CLIC5: variants seen among roughly 807,000 people sequenced by gnomAD.
The protein encoded by CLIC5 is chloride intracellular channel protein 5.
A neutral mutation model predicts 24.7 loss-of-function variants in CLIC5; 20 were observed. The observed-to-expected ratio is 0.81, with a 90% CI of 0.57 to 1.18. The LOEUF (loss-of-function observed/expected upper bound fraction) is 1.18, where lower values mean the gene tolerates loss of function less well. Among genes scored for constraint, CLIC5 ranks in the 50% most tolerant of loss-of-function variants. The probability of loss-of-function intolerance (pLI) is 0.00; values close to 1 mark genes in which losing one functional copy is unlikely to be tolerated. For synonymous variants in CLIC5, 159 were observed against 135.6 expected (o/e 1.17, Z -1.20); for missense variants, 341 against 326.1 (o/e 1.05, Z -0.35).
intron 1 of CLIC5, among the ~76,000 whole-genome samples, chr6:46,071,819 A>G (rs1762605828): frequency 6.6e-6 from 1 of 152,228 alleles, no homozygotes; most frequent in Non-Finnish European, 1.5e-5. Context: ...CGCAATAGCA[A>G]AGACATGGAA....
chr6:46,028,487 T>C (rs532321467), intron 1 of CLIC5, among the ~76,000 whole-genome samples: 39 of 152,372 alleles, frequency 2.6e-4, no homozygotes, highest in African/African-American at 9.4e-4. Flanking sequence ...TAAAATATTG[T>C]AATATGAAAA....
chr6:45,941,787 C>T, intron 3 of CLIC5, 134 bp from the exon 4 acceptor site: 2 of 728,220 alleles, frequency 2.7e-6, no homozygotes, highest in South Asian at 3.3e-5. Flanking sequence ...TCTTTATCCT[C>T]ATACTATAGG....
the CLIC5 span, among the ~76,000 whole-genome samples, chr6:46,126,204 G>A: frequency 2.6e-5 from 4 of 152,172 alleles, no homozygotes; most frequent in African/African-American, 9.7e-5. Context: ...AATGAAGGTG[G>A]GTTTGTCTCT....
intron 4 of CLIC5, among the ~76,000 whole-genome samples, chr6:45,928,767 A>AGTGTGTGTGTGT (rs5875948): frequency 0.01 from 1,468 of 144,164 alleles, 20 homozygotes; most frequent in Admixed American, 0.03. Context: ...GAAGTGCATA[A>AGTGTGTGTGTGT]GTGTGTGTGT....
chr6:46,042,333 AT>A (rs1463615623), intron 1 of CLIC5, among the ~76,000 whole-genome samples: 7 of 151,406 alleles, frequency 4.6e-5, no homozygotes, highest in Admixed American at 2.0e-4. Context: ...GTTGAAATTA[AT>A]TTTTTTTTCA....
chr6:45,942,220 A>G (rs891100127), intron 3 of CLIC5, among the ~76,000 whole-genome samples: 1 of 152,198 alleles, frequency 6.6e-6, no homozygotes, highest in African/African-American at 2.4e-5. Context: ...AACATGCAGA[A>G]ACTACCAAGC....
chr6:45,977,823 A>G (rs943138108), intron 1 of CLIC5, among the ~76,000 whole-genome samples: 12 of 152,236 alleles, frequency 7.9e-5, no homozygotes, highest in Admixed American at 2.0e-4. Context: ...TATTAGAATT[A>G]TGTTGTGTAT....
At chr6:46,001,545 G>A (rs1766359886) in intron 1 of CLIC5, among the ~76,000 whole-genome samples, 1 of 152,082 alleles carries the variant, frequency 6.6e-6, no homozygotes, top group Admixed American at 6.5e-5. Context: ...CCCAGTGGCT[G>A]CCACTCTCCC....
At chr6:46,098,991 G>T in the CLIC5 span, among the ~76,000 whole-genome samples, 3 of 152,170 alleles carry the variant, frequency 2.0e-5, no homozygotes, top group Middle Eastern at 3.2e-3. Context: ...CGGGGGTGGG[G>T]GTAGAAGGGA....
At chr6:45,955,995 A>G (rs2127387553) in intron 1 of CLIC5, among the ~76,000 whole-genome samples, 1 of 152,300 alleles carries the variant, frequency 6.6e-6, no homozygotes, top group South Asian at 2.1e-4. Flanking sequence ...CAAGGAGCTT[A>G]TGGCCTTCTG....
At position 46,067,959 on chromosome 6, in the gene CLIC5, G is replaced by A. The variant is rs183001044; in HGVS notation, c.540+11744C>T. ...AAATATGACCTTATTTGGAAAAAGC[G>A]TATTTGTAGATATAATTTAAGCTAA... On this transcript the variant is annotated intron_variant, in intron 1 of 5. Coordinates refer to the CLIC5 transcript ENST00000185206. Among the ~76,000 whole-genome samples the A allele has an allele frequency of 3.9e-5, 6 of 152,230 alleles. No individual in the cohort carries two copies. In the East Asian group the frequency reaches 5.8e-4, roughly 15 times the overall value.
chr6:45,915,271 G>T (rs1202131294), intron 4 of CLIC5, among the ~76,000 whole-genome samples: 1 of 151,978 alleles, frequency 6.6e-6, no homozygotes, highest in African/African-American at 2.4e-5. Flanking sequence ...TCTATAATTT[G>T]CTAATATTCC....
chr6:45,901,751 A>C lies in CLIC5; in HGVS notation c.*1337T>G, dbSNP rs192428401. 6.6e-6 allele frequency: 1 copy of C among 150,956 alleles called. No homozygotes were observed. Among genetic ancestry groups the C allele is most frequent in the African/African-American group, 2.5e-5 (1 of 40,134 alleles). The allele number at this position is 150,956 out of a possible 1,614,324, so 9.4% of individuals were successfully genotyped here. On this transcript the variant is annotated 3_prime_UTR_variant, in exon 6 of 6. Coordinates refer to ENST00000339561, the MANE Select transcript of CLIC5 (RefSeq NM_016929.5). ...GAGAATGACAAAAGAGTGAAATATT[A>C]GCTTAAAAATTTTTCCTTTTTTTTT...
chr6:46,097,587 G>A, the CLIC5 span, among the ~76,000 whole-genome samples: 1 of 152,290 alleles, frequency 6.6e-6, no homozygotes, highest in Non-Finnish European at 1.5e-5. Context: ...CCTCCTGAAG[G>A]ACACAAATCA....
the CLIC5 span, among the ~76,000 whole-genome samples, chr6:46,116,784 G>T: frequency 1.3e-5 from 2 of 152,156 alleles, no homozygotes; most frequent in African/African-American, 4.8e-5. Flanking sequence ...GACCATCTAG[G>T]TCAGATGTGT....
chr6:46,038,127 C>T (rs1177696615), intron 1 of CLIC5, among the ~76,000 whole-genome samples: 1 of 152,042 alleles, frequency 6.6e-6, no homozygotes, highest in Non-Finnish European at 1.5e-5. Context: ...TACTAATTCT[C>T]AAGTAGAAGG....
intron 1 of CLIC5, among the ~76,000 whole-genome samples, chr6:46,031,047 A>G (rs965793539): frequency 6.6e-6 from 1 of 152,194 alleles, no homozygotes; most frequent in African/African-American, 2.4e-5. Flanking sequence ...GCACAGATGC[A>G]GGCACATAGT....
At chr6:45,938,804 A>G (rs1764027682) in intron 4 of CLIC5, among the ~76,000 whole-genome samples, 2 of 152,200 alleles carry the variant, frequency 1.3e-5, no homozygotes. Flanking sequence ...CACTTTGACA[A>G]GTATGAAAGA....
At chr6:46,098,116 C>A in the CLIC5 span, among the ~76,000 whole-genome samples, 1 of 152,198 alleles carries the variant, frequency 6.6e-6, no homozygotes, top group Non-Finnish European at 1.5e-5. Flanking sequence ...TGTCACATAA[C>A]TAGGTCTTCG....
Sources: gnomAD v4.1 joint callset for allele counts (sites outside exome capture counted in the v4.1 genomes callset) on GRCh38, gnomAD v4.1.1 for gene constraint, MANE v1.5 for transcripts, NCBI Gene and HGNC (gene_info 2026-07-23, HGNC 2026-07-21) for gene names.